Variants in SMOC2 observed in about 807,000 individuals in gnomAD.
SMOC2 encodes SPARC-related modular calcium-binding protein 2.
SMOC2 carries 39 observed loss-of-function variants against 61.4 expected under a neutral mutation model. That is an observed-to-expected ratio of 0.64 (90% CI 0.49 to 0.83). The LOEUF (loss-of-function observed/expected upper bound fraction) is 0.83. Ranked by LOEUF, SMOC2 falls within the 40% of genes least tolerant of loss-of-function variation. The pLI, the probability that SMOC2 is intolerant of heterozygous loss-of-function variation, is 0.00. For missense variants in SMOC2, 556 were observed against 592.9 expected, an observed-to-expected ratio of 0.94 and a Z score of 0.65; for synonymous variants, 247 against 239.9, an observed-to-expected ratio of 1.03 and a Z score of -0.27.
At position 168,479,781 on chromosome 6, in the gene SMOC2, G is replaced by T. The variant is rs368742931; in HGVS notation, c.85-30134G>T. 4.6e-5 allele frequency among the ~76,000 whole-genome samples: 7 copies of T among 152,180 alleles called. No homozygotes were observed. The South Asian group carries it at 1.0e-3, about 23-fold the overall frequency. On this transcript the variant is annotated intron_variant, in intron 1 of 12. Coordinates refer to ENST00000356284, the MANE Select transcript of SMOC2 (RefSeq NM_001166412.2). ...TAACAGGGGTGCAGACGAAAAGGTG[G>T]TGGCTGACACTGTTGCATCTTACCC... is the stretch of plus-strand genomic sequence containing the variant.
At chr6:168,546,518 T>C (rs1373463385) in intron 5 of SMOC2, among the ~76,000 whole-genome samples, 3 of 152,066 alleles carry the variant, frequency 2.0e-5, no homozygotes, top group Non-Finnish European at 4.4e-5. Flanking sequence ...AGTCCGCCCT[T>C]TCCTCCATTC....
At chr6:168,552,445 C>T (rs994797907) in intron 7 of SMOC2, among the ~76,000 whole-genome samples, 1 of 151,882 alleles carries the variant, frequency 6.6e-6, no homozygotes, top group Non-Finnish European at 1.5e-5. Context: ...ATTAAAAAGG[C>T]CAAACTGAAA....
At chr6:168,617,324 A>G (rs188274195) in intron 9 of SMOC2, among the ~76,000 whole-genome samples, 1 of 152,308 alleles carries the variant, frequency 6.6e-6, no homozygotes, top group East Asian at 1.9e-4. Flanking sequence ...TTTTCTGTTT[A>G]TTAATTGATA....
At chr6:168,599,285 CACACACACACATA>C (rs1785433415) in intron 8 of SMOC2, among the ~76,000 whole-genome samples, 1 of 103,848 alleles carries the variant, frequency 9.6e-6, no homozygotes, top group Admixed American at 1.0e-4. Context: ...CTCACACACC[CACACACACACATA>C]CCACACACAC....
In SMOC2 at chr6:168,510,084, A is replaced by G. The variant is rs754339499; in HGVS notation, c.254A>G (p.Lys85Arg). 6.2e-7 allele frequency: 1 copy of G among 1,613,768 alleles called. No individual in the cohort carries two copies. The highest frequency in any genetic ancestry group is 1.7e-4 in the Middle Eastern group (1 of 6,056). The change falls in exon 2 of 13, where the codon AAA becomes AGA. Residue 85 changes from lysine to arginine, a missense_variant and splice_region_variant. Coordinates refer to ENST00000356284, the MANE Select transcript of SMOC2 (RefSeq NM_001166412.2). The stretch of plus-strand genomic sequence containing the variant: ...GAGATTGCATATCGAGGAAACTGCA[A>G]AGGTAAGCTGCTGTTTGATCATTCA... ...QLEIAYRGNC[K>R]DVSRCVAERK...
In SMOC2 at chr6:168,492,246, C is replaced by A. The variant is rs1361596244; in HGVS notation, c.85-17669C>A. ...CAATTTGCCAAGCACATGAGAATAC[C>A]GTTGGCTGGCCCCATCCTCTCCAAG... On this transcript the variant is annotated intron_variant, in intron 1 of 12. Coordinates refer to ENST00000356284, the MANE Select transcript of SMOC2 (RefSeq NM_001166412.2). Among the ~76,000 whole-genome samples, 4 of 152,114 alleles carry A rather than the reference C, an allele frequency of 2.6e-5. No individual in the cohort carries two copies. The South Asian group carries it at 6.2e-4, about 24-fold the overall frequency.
At chr6:168,563,562 A>T (rs1044667115) in intron 7 of SMOC2, among the ~76,000 whole-genome samples, 17 of 151,598 alleles carry the variant, frequency 1.1e-4, no homozygotes, top group Non-Finnish European at 2.2e-4. Flanking sequence ...TGAAATCCTC[A>T]CCCCCAGGGT....
At chr6:168,523,711 T>C (rs981907515) in intron 2 of SMOC2, among the ~76,000 whole-genome samples, 1 of 152,120 alleles carries the variant, frequency 6.6e-6, no homozygotes, top group Non-Finnish European at 1.5e-5. Context: ...CATACAGTAA[T>C]TTAAAAAATT....
chr6:168,511,563 C>T (rs1235745035), intron 2 of SMOC2, among the ~76,000 whole-genome samples: 5 of 152,152 alleles, frequency 3.3e-5, no homozygotes, highest in Non-Finnish European at 5.9e-5. Flanking sequence ...ACAGCCAAAC[C>T]ATATCAGGGT....
chr6:168,633,928 A>G (rs1201515896), intron 9 of SMOC2, among the ~76,000 whole-genome samples: 1 of 152,200 alleles, frequency 6.6e-6, no homozygotes, highest in Non-Finnish European at 1.5e-5. Flanking sequence ...TCTTCTCATG[A>G]TAGTGAGTGA....
chr6:168,619,102 C>G (rs887472996), intron 9 of SMOC2, among the ~76,000 whole-genome samples: 4 of 152,134 alleles, frequency 2.6e-5, no homozygotes, highest in Non-Finnish European at 1.5e-5. Flanking sequence ...CGCCGGTGAC[C>G]GCAACAGCAC....
intron 11 of SMOC2, among the ~76,000 whole-genome samples, chr6:168,662,584 G>T (rs1006129884): frequency 3.3e-5 from 5 of 152,244 alleles, no homozygotes; most frequent in Admixed American, 6.5e-5. Context: ...AGAAGCCTCT[G>T]GCTGCTTCTC....
At chr6:168,497,614 C>T (rs909164978) in intron 1 of SMOC2, among the ~76,000 whole-genome samples, 10 of 152,112 alleles carry the variant, frequency 6.6e-5, no homozygotes, top group African/African-American at 2.2e-4. Flanking sequence ...GGCCTGCCCC[C>T]GGAACGTACC....
intron 11 of SMOC2, among the ~76,000 whole-genome samples, chr6:168,660,739 C>T (rs1324226823): frequency 6.6e-6 from 1 of 152,234 alleles, no homozygotes; most frequent in African/African-American, 2.4e-5. Flanking sequence ...TGGAGCCTCT[C>T]AGCCTCCCAC....
chr6:168,468,318 G>A (rs6905028), intron 1 of SMOC2, among the ~76,000 whole-genome samples: 7,404 of 152,282 alleles, frequency 0.049, 615 homozygotes, highest in African/African-American at 0.17. Flanking sequence ...AATTCCGGAA[G>A]CACATGTTCT....
intron 11 of SMOC2, among the ~76,000 whole-genome samples, chr6:168,656,208 C>T (rs1371104602): frequency 6.6e-6 from 1 of 151,946 alleles, no homozygotes; most frequent in East Asian, 1.9e-4. Flanking sequence ...GCTGATTCAC[C>T]GTGGTCTTTA....
intron 9 of SMOC2, among the ~76,000 whole-genome samples, chr6:168,645,985 A>G (rs1185368101): frequency 6.6e-6 from 1 of 152,232 alleles, no homozygotes; most frequent in Non-Finnish European, 1.5e-5. Flanking sequence ...CCTCAGAAGC[A>G]TCTGAACAAC....
chr6:168,667,582 T>C lies in SMOC2; in HGVS notation c.*1144T>C, dbSNP rs1269138757. 6.6e-6 allele frequency: 1 copy of C among 152,208 alleles called. No homozygotes were observed. Among genetic ancestry groups the C allele is most frequent in the Non-Finnish European group, 1.5e-5 (1 of 68,056 alleles). The allele number at this position is 152,208 out of a possible 1,614,324, so 9.4% of individuals were successfully genotyped here. A position where few individuals can be genotyped will look rare whatever the true frequency, so the allele number is the denominator to read the frequency against. On this transcript the variant is annotated 3_prime_UTR_variant, in exon 13 of 13. Coordinates refer to ENST00000356284, the MANE Select transcript of SMOC2 (RefSeq NM_001166412.2). Reference sequence around the variant, plus strand: ...CAGTGACCAACAGAACTGGTCTGCGTGCATAACCAGCTGCCACCCTCAGGC... The same window carrying C: ...CAGTGACCAACAGAACTGGTCTGCGCGCATAACCAGCTGCCACCCTCAGGC...
chr6:168,570,393 G>T (rs1245143511), intron 7 of SMOC2, among the ~76,000 whole-genome samples: 1 of 152,232 alleles, frequency 6.6e-6, no homozygotes, highest in East Asian at 1.9e-4. Flanking sequence ...GGCCGACTGT[G>T]GGAGGAACGT....
Sources: allele counts gnomAD v4.1 joint callset (sites outside exome capture counted in the v4.1 genomes callset), GRCh38; gene constraint gnomAD v4.1.1; transcripts MANE v1.5; gene names NCBI Gene and HGNC (gene_info 2026-07-23, HGNC 2026-07-21).